Variants in CLCN3 observed in about 807,000 individuals in gnomAD.
The protein encoded by CLCN3 is H(+)/Cl(-) exchange transporter 3.
CLCN3 carries 16 observed loss-of-function variants against 83.4 expected under a neutral mutation model. That is an observed-to-expected ratio of 0.19 (90% CI 0.13 to 0.29). CLCN3 has a LOEUF of 0.29. CLCN3 is among the 10% of genes least tolerant of loss of function. The pLI, the probability that CLCN3 is intolerant of heterozygous loss-of-function variation, is 1.00. For synonymous variants in CLCN3, 322 were observed against 346.2 expected (o/e 0.93, Z 0.78); for missense variants, 544 against 1,006.0 (o/e 0.54, Z 6.21).
chr4:169,658,191 G>C (rs1730941876), intron 2 of CLCN3, among the ~76,000 whole-genome samples: 1 of 151,722 alleles, frequency 6.6e-6, no homozygotes, highest in Admixed American at 6.6e-5. Context: ...CTAAGGGCTT[G>C]ATGTGTTTTA....
chr4:169,679,577 C>A (rs1468985972), intron 2 of CLCN3, among the ~76,000 whole-genome samples: 1 of 152,300 alleles, frequency 6.6e-6, no homozygotes, highest in East Asian at 1.9e-4. Flanking sequence ...CGAGATCACG[C>A]CACTGCACTC....
intron 9 of CLCN3, among the ~76,000 whole-genome samples, chr4:169,700,037 A>C (rs1463869561): frequency 1.3e-5 from 2 of 152,202 alleles, no homozygotes; most frequent in African/African-American, 4.8e-5. Context: ...CAGTCAGTTG[A>C]ACTACAAGAA....
chr4:169,674,418 A>G (rs1185624087), intron 2 of CLCN3, among the ~76,000 whole-genome samples: 9 of 152,210 alleles, frequency 5.9e-5, no homozygotes, highest in East Asian at 1.9e-4. Flanking sequence ...AGATTCTCAC[A>G]TATGTCAAGA....
chr4:169,660,753 T>TG (rs1731029323), intron 2 of CLCN3, among the ~76,000 whole-genome samples: 2 of 152,328 alleles, frequency 1.3e-5, no homozygotes, highest in South Asian at 4.1e-4. Context: ...ACTAAAGTCG[T>TG]GTTGGTTGGC....
In CLCN3 at chr4:169,707,046, T is replaced by C; in HGVS notation, c.1929T>C (p.Asp643=). 1.9e-6 allele frequency: 3 copies of C among 1,614,168 alleles called. No individual in the cohort carries two copies. Among genetic ancestry groups the C allele is most frequent in the Non-Finnish European group, 2.5e-6 (3 of 1,180,024 alleles). The part of the protein sequence containing the change: ...HIRLNGYPFL[D]AKEEFTHTTL... ...GATTAAATGGATACCCTTTCTTGGATGCAAAAGAAGAATTCACTCATACCA... is the reference window on the plus strand; with the variant it reads ...GATTAAATGGATACCCTTTCTTGGACGCAAAAGAAGAATTCACTCATACCA... The change falls in exon 11 of 13, where the codon GAT becomes GAC. Residue 643 remains aspartate (D), a synonymous_variant. Coordinates refer to ENST00000513761, the MANE Select transcript of CLCN3 (RefSeq NM_001829.4).
intron 2 of CLCN3, among the ~76,000 whole-genome samples, chr4:169,669,618 A>G (rs1731382384): frequency 6.6e-6 from 1 of 152,242 alleles, no homozygotes; most frequent in Admixed American, 6.5e-5. Flanking sequence ...AAAAAAATCA[A>G]CTTTTAAGTG....
Position 169,702,083 on chromosome 4 carries a change from C to T in CLCN3, c.1564-1915C>T, listed in dbSNP as rs73864757. Among the ~76,000 whole-genome samples, 1,102 of 152,288 alleles carry T rather than the reference C, an allele frequency of 7.2e-3. 9 individuals are homozygous for T. Among genetic ancestry groups the T allele is most frequent in the African/African-American group, 0.025 (1,027 of 41,558 alleles). On this transcript the variant is annotated intron_variant, in intron 9 of 12. Transcript: ENST00000513761. ...CAACTCCTGGGATCTTATCGGAAAG[C>T]TGCCGATCGCTAGTTTCAGGTGTTT... is the stretch of plus-strand genomic sequence containing the variant.
chr4:169,677,695 C>T lies in CLCN3; in HGVS notation c.161-2355C>T, dbSNP rs146057046. Among the ~76,000 whole-genome samples, 10 of 152,282 alleles carry T rather than the reference C, an allele frequency of 6.6e-5. No homozygotes were observed. In the East Asian group the frequency reaches 1.9e-3, roughly 29 times the overall value. ...TAAATTTTGTTAGCTTTCGCCTTCC[C>T]AAAGGGATTATTCCATTTCATACTT... On this transcript the variant is annotated intron_variant, in intron 2 of 12. Transcript: ENST00000513761.
At chr4:169,650,093 A>G (rs2150211782) in intron 2 of CLCN3, among the ~76,000 whole-genome samples, 1 of 149,918 alleles carries the variant, frequency 6.7e-6, no homozygotes, top group Middle Eastern at 3.4e-3. Flanking sequence ...TATCTAAGAG[A>G]AAAAAAAAAT....
In CLCN3 at chr4:169,723,081, T is replaced by C. The variant is rs1227628313; in HGVS notation, c.*3084T>C. 1 of 152,228 alleles carries C rather than the reference T, an allele frequency of 6.6e-6. No individual in the cohort carries two copies. The highest frequency in any genetic ancestry group is 1.9e-4 in the East Asian group (1 of 5,198). 9.4% of individuals were successfully genotyped at this position (152,228 alleles called of 1,614,324 possible). ...TCTGTAATGTTGCCTAGAGCTGTATTTATCTGTTTTTATTTATACTAGTGT... is the reference window on the plus strand; with the variant it reads ...TCTGTAATGTTGCCTAGAGCTGTATCTATCTGTTTTTATTTATACTAGTGT... On this transcript the variant is annotated 3_prime_UTR_variant, in exon 13 of 13. Coordinates refer to ENST00000513761, the MANE Select transcript of CLCN3 (RefSeq NM_001829.4).
chr4:169,719,875 T>C (rs745585417), intron 12 of CLCN3, 32 bp from the exon 13 acceptor site: 1 of 1,557,846 alleles, frequency 6.4e-7, no homozygotes, highest in South Asian at 1.2e-5. Context: ...TTCCCTTTTA[T>C]TTCATAGGAG....
chr4:169,667,402 C>T (rs1156348261), intron 2 of CLCN3, among the ~76,000 whole-genome samples: 1 of 151,818 alleles, frequency 6.6e-6, no homozygotes, highest in Non-Finnish European at 1.5e-5. Flanking sequence ...TTAGATTACA[C>T]ATATTAGGAA....
At chr4:169,716,021 A>G (rs1467424801) in intron 12 of CLCN3, among the ~76,000 whole-genome samples, 1 of 152,174 alleles carries the variant, frequency 6.6e-6, no homozygotes, top group African/African-American at 2.4e-5. Flanking sequence ...AGGATATAGT[A>G]GAACTCATGG....
At chr4:169,706,175 T>C (rs1732987259) in intron 10 of CLCN3, among the ~76,000 whole-genome samples, 1 of 151,840 alleles carries the variant, frequency 6.6e-6, no homozygotes, top group East Asian at 2.0e-4. Flanking sequence ...ACCACAGACA[T>C]ACACCACCAT....
intron 12 of CLCN3, among the ~76,000 whole-genome samples, chr4:169,716,038 G>A (rs1037944861): frequency 6.6e-6 from 1 of 152,112 alleles, no homozygotes; most frequent in African/African-American, 2.4e-5. Context: ...ATGGGAACTG[G>A]TGTTTCTTGG....
rs1480042918 is a variant in CLCN3, at chr4:169,720,586, A to T, written c.*589A>T. The T allele has an allele frequency of 6.7e-6, 1 of 150,054 alleles. No homozygotes were observed. The highest frequency in any genetic ancestry group is 2.4e-5 in the African/African-American group (1 of 40,854). 9.3% of individuals were successfully genotyped at this position (150,054 alleles called of 1,614,324 possible). ...CTGAGCTGTAACAAAGCCTCTTTAA[A>T]TCGGTGTATCCTTTTGAAGCAGTCC... is the stretch of plus-strand genomic sequence containing the variant. On this transcript the variant is annotated 3_prime_UTR_variant, in exon 13 of 13. Transcript: ENST00000513761.
At chr4:169,690,776 AT>A in intron 6 of CLCN3, 124 bp downstream of exon 6, 4 of 864,642 alleles carry the variant, frequency 4.6e-6, no homozygotes, top group Non-Finnish European at 6.8e-6. Context: ...TGAAAAAAAA[AT>A]TTTTTTAAGT....
At chr4:169,718,692 A>G (rs777986249) in intron 12 of CLCN3, among the ~76,000 whole-genome samples, 6 of 152,226 alleles carry the variant, frequency 3.9e-5, no homozygotes, top group Admixed American at 6.5e-5. Context: ...TTGCCCTGCA[A>G]TTGTCATACC....
intron 1 of CLCN3, among the ~76,000 whole-genome samples, chr4:169,626,137 G>A (rs1057425587): frequency 6.6e-6 from 1 of 152,146 alleles, no homozygotes; most frequent in African/African-American, 2.4e-5. Flanking sequence ...CACTCCTTAC[G>A]TCCTTGGGTT....
Sources: gnomAD v4.1 joint callset for allele counts (sites outside exome capture counted in the v4.1 genomes callset) on GRCh38, gnomAD v4.1.1 for gene constraint, MANE v1.5 for transcripts, NCBI Gene and HGNC (gene_info 2026-07-23, HGNC 2026-07-21) for gene names.